The following APBB2 variants were observed in gnomAD, a reference collection of about 807,000 sequenced individuals.
APBB2 encodes the protein Fe65-like 1.
APBB2 carries 38 observed loss-of-function variants against 82.5 expected under a neutral mutation model. The ratio of observed to expected loss-of-function variants is 0.46; its 90% CI spans 0.36 to 0.60. The LOEUF (loss-of-function observed/expected upper bound fraction) is 0.60. APBB2 is among the 20% of genes least tolerant of loss of function. The probability of loss-of-function intolerance (pLI) is 0.00; values close to 1 mark genes in which losing one functional copy is unlikely to be tolerated. For synonymous variants in APBB2, 341 were observed against 368.2 expected, an observed-to-expected ratio of 0.93 and a Z score of 0.85; for missense variants, 772 against 972.3, an observed-to-expected ratio of 0.79 and a Z score of 2.74.
At chr4:40,880,155 C>G (rs559407436) in intron 12 of APBB2, 23 of 985,448 alleles carry the variant, frequency 2.3e-5, no homozygotes, top group Non-Finnish European at 2.5e-5. Flanking sequence ...GCGCCCCTAA[C>G]ATCAGTGCAA....
chr4:41,117,504 G>T (rs1188297348), intron 2 of APBB2, among the ~76,000 whole-genome samples: 1 of 152,014 alleles, frequency 6.6e-6, no homozygotes, highest in African/African-American at 2.4e-5. Flanking sequence ...TCTTGGCCAG[G>T]CTGGTCTTCA....
At chr4:40,993,845 C>T (rs1802857453) in intron 6 of APBB2, among the ~76,000 whole-genome samples, 1 of 152,050 alleles carries the variant, frequency 6.6e-6, no homozygotes, top group Admixed American at 6.6e-5. Context: ...CAACAGAAGG[C>T]CCTAACTAAA....
intron 2 of APBB2, among the ~76,000 whole-genome samples, chr4:41,142,745 G>C (rs1354397744): frequency 2.0e-5 from 3 of 152,158 alleles, no homozygotes; most frequent in Non-Finnish European, 1.5e-5. Flanking sequence ...TGAGAGAGGA[G>C]AGGAAGATGA....
chr4:41,159,692 G>A (rs947078879), intron 1 of APBB2, among the ~76,000 whole-genome samples: 9 of 151,832 alleles, frequency 5.9e-5, no homozygotes, highest in African/African-American at 2.2e-4. Context: ...GCTATAAAGT[G>A]CCTCTAAGCT....
intron 10 of APBB2, among the ~76,000 whole-genome samples, chr4:40,929,254 AAG>A (rs940782239): frequency 6.6e-6 from 1 of 152,272 alleles, no homozygotes; most frequent in Non-Finnish European, 1.5e-5. Context: ...AATGGAAAGA[AAG>A]AGAGTTTCAG....
intron 12 of APBB2, among the ~76,000 whole-genome samples, chr4:40,865,822 C>T (rs12504297): frequency 0.27 from 41,554 of 152,150 alleles, 5,879 homozygotes; most frequent in Middle Eastern, 0.35. Flanking sequence ...TTCACAAGCA[C>T]ATGAAACATG....
intron 5 of APBB2, among the ~76,000 whole-genome samples, chr4:41,033,025 C>T (rs917020417): frequency 2.6e-5 from 4 of 151,734 alleles, no homozygotes; most frequent in South Asian, 2.1e-4. Context: ...CCTCGTGATC[C>T]GCCGGTCTCG....
At chr4:41,023,911 T>C (rs182307172) in intron 5 of APBB2, among the ~76,000 whole-genome samples, 3 of 152,254 alleles carry the variant, frequency 2.0e-5, no homozygotes, top group Non-Finnish European at 2.9e-5. Context: ...GGAAGCCTCA[T>C]GTTACCCAAC....
intron 1 of APBB2, among the ~76,000 whole-genome samples, chr4:41,159,937 G>GAGGAGGAGA (rs1252356206): frequency 3.3e-5 from 1 of 30,630 alleles, no homozygotes; most frequent in African/African-American, 1.0e-4. Flanking sequence ...GGAGGAGGAG[G>GAGGAGGAGA]AGGAGGAGAA....
At chr4:40,944,793 A>T in intron 7 of APBB2, 72 bp downstream of exon 7, 1 of 1,491,330 alleles carries the variant, frequency 6.7e-7, no homozygotes, top group East Asian at 2.3e-5. Context: ...TTGGGGCAGA[A>T]GCAACCAGTG....
intron 5 of APBB2, among the ~76,000 whole-genome samples, chr4:41,022,013 A>C (rs1711736521): frequency 6.6e-6 from 1 of 152,112 alleles, no homozygotes; most frequent in Admixed American, 6.5e-5. Flanking sequence ...CTGAACATCT[A>C]AAGGAACAAA....
intron 6 of APBB2, among the ~76,000 whole-genome samples, chr4:40,965,241 G>C (rs1028298821): frequency 1.3e-4 from 20 of 152,190 alleles, no homozygotes; most frequent in African/African-American, 4.6e-4. Context: ...TGCATGCGTG[G>C]AGCAGGGATG....
At chr4:40,912,112 T>C (rs1168831574) in intron 10 of APBB2, among the ~76,000 whole-genome samples, 1 of 152,186 alleles carries the variant, frequency 6.6e-6, no homozygotes, top group East Asian at 1.9e-4. Flanking sequence ...CTTTTTTATT[T>C]AATAGGAAAT....
intron 12 of APBB2, among the ~76,000 whole-genome samples, chr4:40,875,242 G>C (rs149221874): frequency 6.6e-6 from 1 of 152,194 alleles, no homozygotes; most frequent in Admixed American, 6.5e-5. Flanking sequence ...TAAAGATCAG[G>C]GGTGGACAAA....
chr4:41,087,737 G>A (rs934291798), intron 3 of APBB2, among the ~76,000 whole-genome samples: 2 of 152,048 alleles, frequency 1.3e-5, no homozygotes, highest in South Asian at 4.2e-4. Flanking sequence ...CCAGAATCCA[G>A]TATTTTAAAC....
intron 1 of APBB2, among the ~76,000 whole-genome samples, chr4:41,198,704 T>G: frequency 6.6e-6 from 1 of 152,136 alleles, no homozygotes. Flanking sequence ...CAACCAAAAT[T>G]TATTCTCTCT....
At chr4:41,198,768 T>A (rs1212093606) in intron 1 of APBB2, among the ~76,000 whole-genome samples, 1 of 152,212 alleles carries the variant, frequency 6.6e-6, no homozygotes, top group African/African-American at 2.4e-5. Context: ...CCATGATCCC[T>A]CCAAAGTCTT....
At chr4:40,973,042 C>T (rs1201187902) in intron 6 of APBB2, among the ~76,000 whole-genome samples, 5 of 152,212 alleles carry the variant, frequency 3.3e-5, no homozygotes, top group African/African-American at 1.2e-4. Flanking sequence ...TTCTTTCCTT[C>T]CCATAAACAT....
At chr4:41,079,543 T>C (rs1736798164) in intron 3 of APBB2, among the ~76,000 whole-genome samples, 1 of 145,738 alleles carries the variant, frequency 6.9e-6, no homozygotes, top group African/African-American at 2.6e-5. Context: ...TTTGGTAGGC[T>C]CATCAATTTT....
Sources: gnomAD v4.1 joint callset for allele counts (sites outside exome capture counted in the v4.1 genomes callset) on GRCh38, gnomAD v4.1.1 for gene constraint, MANE v1.5 for transcripts, NCBI Gene and HGNC (gene_info 2026-07-23, HGNC 2026-07-21) for gene names.